Variants in PTPRT observed in about 807,000 individuals in gnomAD.
PTPRT encodes the protein protein tyrosine phosphatase receptor type T.
PTPRT carries 56 observed loss-of-function variants against 176.8 expected under a neutral mutation model. The observed-to-expected ratio is 0.32, with a 90% confidence interval of 0.26 to 0.40. The LOEUF (loss-of-function observed/expected upper bound fraction) is 0.40. Among genes scored for constraint, PTPRT ranks in the 10% least tolerant of loss-of-function variants. The pLI is 1.00. For synonymous variants in PTPRT, 783 were observed against 739.0 expected, an observed-to-expected ratio of 1.06 and a Z score of -0.96; for missense variants, 1,540 against 1,908.2, an observed-to-expected ratio of 0.81 and a Z score of 3.60.
intron 1 of PTPRT, among the ~76,000 whole-genome samples, chr20:43,143,921 G>A (rs1412109357): frequency 2.0e-5 from 3 of 152,124 alleles, no homozygotes; most frequent in Non-Finnish European, 4.4e-5. Flanking sequence ...GTCACAAGGT[G>A]CTGCTACATC....
At chr20:43,173,259 C>T (rs2015047748) in intron 1 of PTPRT, among the ~76,000 whole-genome samples, 1 of 152,146 alleles carries the variant, frequency 6.6e-6, no homozygotes, top group Non-Finnish European at 1.5e-5. Flanking sequence ...ATTAACACTG[C>T]AGTCACAGAG....
At position 42,102,236 on chromosome 20, in the gene PTPRT, C is replaced by G; in HGVS notation, c.3602G>C (p.Arg1201Pro). ...PEDCSIGLLPRNHDKNRSMDV... is the reference protein window; with the variant it reads ...PEDCSIGLLPPNHDKNRSMDV... ...CATACTTCGATTCTTATCATGGTTC[C>G]GGGGCAGGAGCCCAATGCTGCAGTC... The change falls in exon 26 of 31, where the codon CGG (arginine) becomes CCG (proline). Residue 1201 changes from arginine (R) to proline (P), a missense_variant. By Grantham distance (103) the Arg-to-Pro change is moderately radical. Around this residue, in one of 11 missense-constraint regions of PTPRT, gnomAD observed 342 missense variants for 394.0 expected, o/e 0.87. Transcript: ENST00000373187. The G allele has an allele frequency of 3.1e-6, 5 of 1,614,138 alleles. No homozygotes were observed. The highest frequency in any genetic ancestry group is 4.2e-6 in the Non-Finnish European group (5 of 1,180,018).
intron 2 of PTPRT, among the ~76,000 whole-genome samples, chr20:42,815,439 G>T (rs545609735): frequency 2.6e-5 from 4 of 152,104 alleles, no homozygotes; most frequent in African/African-American, 9.7e-5. Context: ...AAAATCAGAG[G>T]TTCTGATACA....
In PTPRT at chr20:42,080,944, A is replaced by G. The variant is rs749095586; in HGVS notation, c.4273-12T>C. The stretch of plus-strand genomic sequence containing the variant: ...AATTTATACTGTTCCTGAGAGGCGG[A>G]GAGGAGCAGAGGCAGAGAGGGAGAA... On this transcript the variant is annotated splice_polypyrimidine_tract_variant and intron_variant, in intron 30 of 30. Coordinates refer to ENST00000373187, the MANE Select transcript of PTPRT (RefSeq NM_007050.6). 6.4e-7 allele frequency: 1 copy of G among 1,574,220 alleles called. No homozygotes were observed.
the PTPRT span, among the ~76,000 whole-genome samples, chr20:42,039,395 A>G: frequency 6.6e-6 from 1 of 152,188 alleles, no homozygotes; most frequent in East Asian, 1.9e-4. Context: ...TATTAGCTGT[A>G]GTCTCCATGA....
intron 7 of PTPRT, among the ~76,000 whole-genome samples, chr20:42,555,164 C>G (rs2072837999): frequency 6.6e-6 from 1 of 152,138 alleles, no homozygotes; most frequent in Non-Finnish European, 1.5e-5. Flanking sequence ...AGATGGAAAT[C>G]TAATGGGTAC....
intron 13 of PTPRT, among the ~76,000 whole-genome samples, chr20:42,276,545 AT>A (rs1568731832): frequency 3.2e-5 from 2 of 63,390 alleles, no homozygotes; most frequent in East Asian, 6.7e-4. Context: ...ATATATATAT[AT>A]ATATATATAT....
chr20:42,280,601 A>G (rs2057123327), intron 13 of PTPRT, among the ~76,000 whole-genome samples: 1 of 152,230 alleles, frequency 6.6e-6, no homozygotes, highest in South Asian at 2.1e-4. Context: ...TACACACTCC[A>G]TTCACTTAAG....
chr20:42,232,177 G>T (rs1335976697), intron 15 of PTPRT, among the ~76,000 whole-genome samples: 1 of 152,182 alleles, frequency 6.6e-6, no homozygotes, highest in Non-Finnish European at 1.5e-5. Context: ...TTGGTGGAAT[G>T]AATAAACACT....
chr20:42,678,229 C>T lies in PTPRT; in HGVS notation c.860-70G>A, dbSNP rs541296657. ...TACAGAGCAGACTACAAGCACATGA[C>T]GACAAGGGACAGAATTCTTGATGTA... On this transcript the variant is annotated intron_variant, in intron 6 of 30. Transcript: ENST00000373187. 924 of 1,431,468 alleles carry T rather than the reference C, an allele frequency of 6.5e-4. 14 individuals carry two copies. In the South Asian group the frequency reaches 9.7e-3, roughly 15 times the overall value. The allele number at this position is 1,431,468 out of a possible 1,614,324, so 88.7% of individuals were successfully genotyped here. A position where few individuals can be genotyped will look rare whatever the true frequency, so the allele number is the denominator to read the frequency against.
chr20:43,015,935 A>G (rs886791249), intron 1 of PTPRT, among the ~76,000 whole-genome samples: 2 of 148,034 alleles, frequency 1.4e-5, no homozygotes, highest in African/African-American at 5.1e-5. Flanking sequence ...AAACACACTA[A>G]GTATTTCAAA....
rs1555845634 is a variant in PTPRT, at chr20:43,188,750, G to GGC, written c.88+895_88+896insGC. Among the ~76,000 whole-genome samples the GGC allele has an allele frequency of 4.6e-3, 49 of 10,576 alleles. 1 individual carries two copies. The highest frequency in any genetic ancestry group is 0.012 in the Non-Finnish European group (36 of 2,908). The allele number at this position is 10,576 out of a possible 152,430, so 6.9% of individuals were successfully genotyped here. ...TTCTCTTCCCTCCGCCGCTACTCTT[G>GGC]GGGGGGGGGGGGCTCGGGGGTGGAA... On this transcript the variant is annotated intron_variant, in intron 1 of 30. Coordinates refer to ENST00000373187, the MANE Select transcript of PTPRT (RefSeq NM_007050.6).
At chr20:43,091,471 T>TC (rs1568779597) in intron 1 of PTPRT, among the ~76,000 whole-genome samples, 57 of 107,782 alleles carry the variant, frequency 5.3e-4, no homozygotes, top group Non-Finnish European at 6.8e-4. Flanking sequence ...CCCCCTCTCT[T>TC]TCTCTCTCTC....
chr20:42,592,707 A>G (rs1254832415), intron 7 of PTPRT, among the ~76,000 whole-genome samples: 1 of 152,206 alleles, frequency 6.6e-6, no homozygotes, highest in African/African-American at 2.4e-5. Flanking sequence ...CTATTTGTGT[A>G]GACCTTACAA....
intron 8 of PTPRT, among the ~76,000 whole-genome samples, chr20:42,454,491 A>G (rs6130138): frequency 0.24 from 35,854 of 152,102 alleles, 4,354 homozygotes; most frequent in Middle Eastern, 0.35. Context: ...CCGCATCTTT[A>G]TAAATATTTG....
At chr20:42,792,774 G>A (rs1484254825) in intron 2 of PTPRT, among the ~76,000 whole-genome samples, 1 of 152,126 alleles carries the variant, frequency 6.6e-6, no homozygotes. Flanking sequence ...AAGACTAACA[G>A]CTCCCAGTTA....
chr20:43,047,157 T>A (rs1224015356), intron 1 of PTPRT, among the ~76,000 whole-genome samples: 1 of 149,806 alleles, frequency 6.7e-6, no homozygotes, highest in East Asian at 2.0e-4. Context: ...CCCATCCTCC[T>A]CCATGCCTGA....
chr20:42,706,901 G>A (rs1459837934), intron 6 of PTPRT, among the ~76,000 whole-genome samples: 1 of 152,212 alleles, frequency 6.6e-6, no homozygotes, highest in African/African-American at 2.4e-5. Flanking sequence ...TACTGGAATA[G>A]GGTTGGCCTT....
At chr20:42,966,357 G>A (rs972804048) in intron 1 of PTPRT, 4 of 151,954 alleles carry the variant, frequency 2.6e-5, no homozygotes, top group South Asian at 2.1e-4. Context: ...TAAACTTATC[G>A]GTTATTTCTA....
Sources: allele counts gnomAD v4.1 joint callset (sites outside exome capture counted in the v4.1 genomes callset), GRCh38; gene constraint gnomAD v4.1.1; regional missense constraint gnomAD v4.1.1; transcripts MANE v1.5; gene names NCBI Gene and HGNC (gene_info 2026-07-23, HGNC 2026-07-21).